Variants in ADCY9 observed in about 807,000 individuals in gnomAD.
ADCY9 encodes the protein adenylate cyclase type 9.
A neutral mutation model predicts 101.5 loss-of-function variants in ADCY9; 50 were observed. The observed-to-expected ratio is 0.49, with a 90% CI of 0.39 to 0.62. ADCY9 has a LOEUF of 0.62. Ranked by LOEUF, ADCY9 falls within the 20% of genes least tolerant of loss-of-function variation. The pLI is 0.00. For synonymous variants in ADCY9, 905 were observed against 769.3 expected, an observed-to-expected ratio of 1.18 and a Z score of -2.92; for missense variants, 1,662 against 1,800.4, an observed-to-expected ratio of 0.92 and a Z score of 1.39.
intron 2 of ADCY9, among the ~76,000 whole-genome samples, chr16:4,101,861 T>TG (rs1254847713): frequency 2.0e-5 from 3 of 152,166 alleles, no homozygotes; most frequent in Non-Finnish European, 4.4e-5. Flanking sequence ...CTCCAGGCTC[T>TG]GGGGAACTGA....
chr16:3,988,129 A>C (rs531576540), intron 6 of ADCY9, among the ~76,000 whole-genome samples: 1 of 152,266 alleles, frequency 6.6e-6, no homozygotes, highest in African/African-American at 2.4e-5. Context: ...CCACACACGG[A>C]AAGATTCCAA....
At chr16:3,997,878 G>C (rs1266538005) in intron 3 of ADCY9, among the ~76,000 whole-genome samples, 1 of 151,832 alleles carries the variant, frequency 6.6e-6, no homozygotes, top group East Asian at 1.9e-4. Context: ...TGGATCACCT[G>C]AGGTCAGGAG....
At chr16:4,009,229 A>G (rs570834416) in intron 2 of ADCY9, among the ~76,000 whole-genome samples, 4 of 150,328 alleles carry the variant, frequency 2.7e-5, no homozygotes, top group African/African-American at 9.8e-5. Flanking sequence ...TTTAGATGCC[A>G]ACTGGCCCCA....
chr16:4,070,393 G>A (rs2056826514), intron 2 of ADCY9, among the ~76,000 whole-genome samples: 1 of 152,094 alleles, frequency 6.6e-6, no homozygotes, highest in South Asian at 2.1e-4. Flanking sequence ...GTAAAGAATA[G>A]GATGTGGATG....
intron 2 of ADCY9, among the ~76,000 whole-genome samples, chr16:4,076,029 G>C (rs2056865038): frequency 6.6e-6 from 1 of 152,238 alleles, no homozygotes; most frequent in African/African-American, 2.4e-5. Flanking sequence ...CGTGATGACA[G>C]AGCAAATGCA....
chr16:4,083,049 G>A (rs79960452), intron 2 of ADCY9, among the ~76,000 whole-genome samples: 143 of 152,340 alleles, frequency 9.4e-4, no homozygotes, highest in African/African-American at 3.3e-3. Context: ...AGACAGCAGA[G>A]AGCAAAGATG....
At chr16:3,973,708 G>C (rs187128332) in intron 10 of ADCY9, among the ~76,000 whole-genome samples, 9 of 152,038 alleles carry the variant, frequency 5.9e-5, no homozygotes, top group Admixed American at 5.9e-4. Flanking sequence ...GCCCAGGCTG[G>C]TCTAGAACTC....
chr16:3,990,891 C>T (rs1002578754), intron 5 of ADCY9, among the ~76,000 whole-genome samples: 1 of 152,210 alleles, frequency 6.6e-6, no homozygotes, highest in Non-Finnish European at 1.5e-5. Flanking sequence ...CCTCTGCCTC[C>T]TGGGTTCAAG....
At chr16:4,055,212 G>T (rs2056729693) in intron 2 of ADCY9, among the ~76,000 whole-genome samples, 1 of 152,140 alleles carries the variant, frequency 6.6e-6, no homozygotes, top group African/African-American at 2.4e-5. Context: ...CTATTCAGCA[G>T]ATTTCACAAG....
intron 2 of ADCY9, among the ~76,000 whole-genome samples, chr16:4,105,617 T>C (rs1265189588): frequency 6.7e-6 from 1 of 149,410 alleles, no homozygotes; most frequent in Non-Finnish European, 1.5e-5. Flanking sequence ...GAGGCAGAGG[T>C]TGCAGTAAGT....
At chr16:4,097,481 T>TAC (rs1221883313) in intron 2 of ADCY9, among the ~76,000 whole-genome samples, 66 of 56,198 alleles carry the variant, frequency 1.2e-3, no homozygotes, top group African/African-American at 3.3e-3. Flanking sequence ...TATATATATA[T>TAC]ATATATACAC....
chr16:4,097,547 A>AT lies in ADCY9; in HGVS notation c.1693+16202dup, dbSNP rs1393767540. Among the ~76,000 whole-genome samples, 46 of 46,684 alleles carry AT rather than the reference A, an allele frequency of 9.9e-4. 2 individuals are homozygous for AT. The highest frequency in any genetic ancestry group is 2.6e-3 in the South Asian group (5 of 1,904). The allele number at this position is 46,684 out of a possible 152,430, so 30.6% of individuals were successfully genotyped here. ...TATGTACATATATATATATATATAT[A>AT]TATATATTTTTTTTTTTTTTTTTTA... On this transcript the variant is annotated intron_variant, in intron 2 of 10. Coordinates refer to ENST00000294016, the MANE Select transcript of ADCY9 (RefSeq NM_001116.4).
At chr16:4,045,824 G>A (rs1015710593) in intron 2 of ADCY9, among the ~76,000 whole-genome samples, 2 of 149,312 alleles carry the variant, frequency 1.3e-5, no homozygotes, top group African/African-American at 2.5e-5. Context: ...TCAGCCGCCC[G>A]AGTAGCTGGG....
intron 2 of ADCY9, among the ~76,000 whole-genome samples, chr16:4,010,441 G>T (rs962251249): frequency 6.6e-6 from 1 of 152,234 alleles, no homozygotes; most frequent in Non-Finnish European, 1.5e-5. Flanking sequence ...TCACAAGCTG[G>T]GCACGTGCCT....
At chr16:4,102,471 G>A (rs945218886) in intron 2 of ADCY9, among the ~76,000 whole-genome samples, 1 of 152,162 alleles carries the variant, frequency 6.6e-6, no homozygotes, top group African/African-American at 2.4e-5. Flanking sequence ...TGTTGCCCAG[G>A]CTAGAGAGCA....
intron 2 of ADCY9, among the ~76,000 whole-genome samples, chr16:4,109,622 A>T (rs1302660805): frequency 1.3e-5 from 2 of 152,030 alleles, no homozygotes; most frequent in East Asian, 3.9e-4. Context: ...TCCCATTCAC[A>T]TGGTCAAGCC....
intron 2 of ADCY9, among the ~76,000 whole-genome samples, chr16:4,065,974 G>A (rs897142069): frequency 6.6e-6 from 1 of 152,202 alleles, no homozygotes; most frequent in African/African-American, 2.4e-5. Context: ...AAAGTGCTGG[G>A]ATTACAGGCG....
chr16:4,076,097 G>C (rs2056865636), intron 2 of ADCY9, among the ~76,000 whole-genome samples: 1 of 152,190 alleles, frequency 6.6e-6, no homozygotes, highest in African/African-American at 2.4e-5. Context: ...GGGAGGCTGA[G>C]GTGGGAGGAT....
chr16:3,970,598 G>T (rs1231793315), intron 10 of ADCY9, among the ~76,000 whole-genome samples: 1 of 152,228 alleles, frequency 6.6e-6, no homozygotes, highest in African/African-American at 2.4e-5. Context: ...AAAGTGCTGG[G>T]ATTACAGGCA....
Sources: gnomAD v4.1 joint callset for allele counts (sites outside exome capture counted in the v4.1 genomes callset) on GRCh38, gnomAD v4.1.1 for gene constraint, MANE v1.5 for transcripts, NCBI Gene and HGNC (gene_info 2026-07-23, HGNC 2026-07-21) for gene names.